TSHZ2: variants seen among roughly 807,000 people sequenced by gnomAD.
The protein encoded by TSHZ2 is teashirt homolog 2.
TSHZ2 carries 21 observed loss-of-function variants against 74.4 expected under a neutral mutation model. That is an observed-to-expected ratio of 0.28 (90% CI 0.20 to 0.41). The LOEUF is 0.41. Among genes scored for constraint, TSHZ2 ranks in the 10% least tolerant of loss-of-function variants. TSHZ2 has a pLI of 1.00. For missense variants in TSHZ2, 1,244 were observed against 1,293.5 expected, an observed-to-expected ratio of 0.96 and a Z score of 0.59; for synonymous variants, 540 against 515.3, an observed-to-expected ratio of 1.05 and a Z score of -0.65.
At chr20:53,290,806 C>A (rs1042976355) in intron 2 of TSHZ2, among the ~76,000 whole-genome samples, 1 of 152,222 alleles carries the variant, frequency 6.6e-6, no homozygotes, top group Non-Finnish European at 1.5e-5. Flanking sequence ...CAACTATAAT[C>A]TCCAAAGTGC....
At chr20:52,978,250 C>T (rs1345445279) in intron 1 of TSHZ2, among the ~76,000 whole-genome samples, 1 of 152,106 alleles carries the variant, frequency 6.6e-6, no homozygotes, top group Non-Finnish European at 1.5e-5. Flanking sequence ...ACAGACTGAG[C>T]CTGGCATTTT....
At position 53,045,124 on chromosome 20, in the gene TSHZ2, C is replaced by A. The variant is rs375034720; in HGVS notation, c.40+71791C>A. ...ATGCATTTACCACTCACACTCCATG[C>A]CCACAGTGGGTCAACTGAGGGCTTC... On this transcript the variant is annotated intron_variant, in intron 1 of 2. Transcript: ENST00000371497. Among the ~76,000 whole-genome samples the A allele has an allele frequency of 5.9e-5, 9 of 152,308 alleles. No homozygotes were observed. The East Asian group carries it at 1.4e-3, about 23-fold the overall frequency.
intron 2 of TSHZ2, among the ~76,000 whole-genome samples, chr20:53,366,111 A>G (rs991856519): frequency 1.1e-4 from 16 of 152,226 alleles, no homozygotes; most frequent in African/African-American, 3.4e-4. Flanking sequence ...CTGTGTTGAA[A>G]TAGTCTGAGT....
intron 2 of TSHZ2, among the ~76,000 whole-genome samples, chr20:53,480,582 AG>A (rs1568936703): frequency 1.3e-5 from 2 of 150,392 alleles, no homozygotes; most frequent in African/African-American, 4.9e-5. Context: ...AAAAAAAAAA[AG>A]AAAAAAATAA....
At chr20:53,409,077 G>A (rs576517477) in intron 2 of TSHZ2, among the ~76,000 whole-genome samples, 5 of 152,106 alleles carry the variant, frequency 3.3e-5, no homozygotes, top group African/African-American at 7.2e-5. Context: ...ATTTTAATAT[G>A]AGCAGTCACT....
chr20:53,191,691 T>C (rs1988740728), intron 1 of TSHZ2, among the ~76,000 whole-genome samples: 1 of 152,186 alleles, frequency 6.6e-6, no homozygotes, highest in Non-Finnish European at 1.5e-5. Flanking sequence ...CTACACATCT[T>C]CACTTTGGAA....
In TSHZ2 at chr20:53,104,017, G is replaced by A. The variant is rs146952654; in HGVS notation, c.40+130684G>A. 3.2e-3 allele frequency among the ~76,000 whole-genome samples: 494 copies of A among 152,216 alleles called. 1 individual carries two copies. Among genetic ancestry groups the A allele is most frequent in the African/African-American group, 0.011 (466 of 41,520 alleles). On this transcript the variant is annotated intron_variant, in intron 1 of 2. Transcript: ENST00000371497. ...ATAAGAGAGATCATGACTTAGACCC[G>A]CTTCAGCCAGTGTGGAAAGGTTGCT...
At chr20:53,279,452 C>G (rs1991012647) in intron 2 of TSHZ2, among the ~76,000 whole-genome samples, 1 of 152,196 alleles carries the variant, frequency 6.6e-6, no homozygotes, top group South Asian at 2.1e-4. Context: ...ACCACTCTTA[C>G]TTTGTTGGCC....
intron 1 of TSHZ2, among the ~76,000 whole-genome samples, chr20:53,200,786 CA>C: frequency 6.6e-6 from 1 of 152,194 alleles, no homozygotes. Flanking sequence ...AATGAACAAA[CA>C]AACAAGGAGA....
At chr20:53,000,393 G>A (rs2122958135) in intron 1 of TSHZ2, among the ~76,000 whole-genome samples, 1 of 152,238 alleles carries the variant, frequency 6.6e-6, no homozygotes, top group East Asian at 1.9e-4. Context: ...TGTTGTATGT[G>A]TAGGACAGTC....
At chr20:53,274,264 A>G (rs1304081188) in intron 2 of TSHZ2, among the ~76,000 whole-genome samples, 3 of 152,188 alleles carry the variant, frequency 2.0e-5, no homozygotes, top group Admixed American at 6.5e-5. Flanking sequence ...GTGAGACTCC[A>G]TCTCAAAATA....
At chr20:53,073,521 G>T (rs781080426) in intron 1 of TSHZ2, among the ~76,000 whole-genome samples, 3 of 152,160 alleles carry the variant, frequency 2.0e-5, no homozygotes, top group Non-Finnish European at 4.4e-5. Flanking sequence ...TTAACTGAAG[G>T]TTAGAGTAAT....
chr20:53,183,590 C>T (rs979104420), intron 1 of TSHZ2, among the ~76,000 whole-genome samples: 1 of 152,102 alleles, frequency 6.6e-6, no homozygotes, highest in Non-Finnish European at 1.5e-5. Context: ...TACACAACCA[C>T]ACACACACAT....
In TSHZ2 at chr20:53,094,652, G is replaced by A. The variant is rs1463576862; in HGVS notation, c.40+121319G>A. ...TTGCTAACCTTCCACACAGCGTGCT[G>A]AGAGTCTGATGTGAACATCTGCATC... On this transcript the variant is annotated intron_variant, in intron 1 of 2. Transcript: ENST00000371497. Among the ~76,000 whole-genome samples, 7 of 152,202 alleles carry A rather than the reference G, an allele frequency of 4.6e-5. No individual in the cohort carries two copies. In the East Asian group the frequency reaches 1.3e-3, roughly 29 times the overall value.
At chr20:53,429,821 T>TTGTGTGTGTGTGTGTGTGTGTGTGTG (rs145356694) in intron 2 of TSHZ2, among the ~76,000 whole-genome samples, 1 of 151,624 alleles carries the variant, frequency 6.6e-6, no homozygotes, top group South Asian at 2.1e-4. Context: ...GCATATTCAA[T>TTGTGTGTGTGTGTGTGTGTGTGTGTG]TGTGTGTGTG....
chr20:53,444,259 G>A (rs1984462336), intron 2 of TSHZ2, among the ~76,000 whole-genome samples: 1 of 152,108 alleles, frequency 6.6e-6, no homozygotes, highest in African/African-American at 2.4e-5. Context: ...AGCATATTCT[G>A]GAAACTCTCA....
chr20:53,162,618 A>G (rs901740984), intron 1 of TSHZ2, among the ~76,000 whole-genome samples: 2 of 152,124 alleles, frequency 1.3e-5, no homozygotes, highest in African/African-American at 2.4e-5. Context: ...AGGGCCATCA[A>G]TCCTGCCTTC....
At chr20:53,366,852 A>G (rs1372476065) in intron 2 of TSHZ2, among the ~76,000 whole-genome samples, 1 of 152,216 alleles carries the variant, frequency 6.6e-6, no homozygotes, top group Non-Finnish European at 1.5e-5. Flanking sequence ...TTCTGACTCT[A>G]TGCGAGGCAA....
At chr20:53,481,627 C>T (rs1384552950) in intron 2 of TSHZ2, among the ~76,000 whole-genome samples, 1 of 151,828 alleles carries the variant, frequency 6.6e-6, no homozygotes, top group Non-Finnish European at 1.5e-5. Context: ...AGTGTGTTGT[C>T]CCAAAGTGGT....
Sources: gnomAD v4.1 joint callset for allele counts (sites outside exome capture counted in the v4.1 genomes callset) on GRCh38, gnomAD v4.1.1 for gene constraint, MANE v1.5 for transcripts, NCBI Gene and HGNC (gene_info 2026-07-23, HGNC 2026-07-21) for gene names.